The following CSMD1 variants were observed in gnomAD, a reference collection of about 807,000 sequenced individuals.
CSMD1 encodes the protein CUB and Sushi multiple domains 1.
CSMD1 carries 213 observed loss-of-function variants against 417.5 expected under a neutral mutation model. The observed-to-expected ratio is 0.51, with a 90% CI of 0.46 to 0.57. The LOEUF (loss-of-function observed/expected upper bound fraction) is 0.57. Among genes scored for constraint, CSMD1 ranks in the 20% least tolerant of loss-of-function variants. The probability of loss-of-function intolerance (pLI) is 0.00; values close to 1 mark genes in which losing one functional copy is unlikely to be tolerated. For missense variants in CSMD1, 6,923 were observed against 4,529.7 expected (o/e 1.53, Z -15.17); for synonymous variants, 2,862 against 1,736.8 (o/e 1.65, Z -16.11).
chr8:4,533,774 A>G (rs1313295382), intron 2 of CSMD1, among the ~76,000 whole-genome samples: 22 of 151,848 alleles, frequency 1.4e-4, no homozygotes, highest in Non-Finnish European at 1.5e-5. Flanking sequence ...TATTTTAATA[A>G]AAGTACACTG....
chr8:4,304,560 G>A (rs139223713), intron 3 of CSMD1, among the ~76,000 whole-genome samples: 5 of 152,002 alleles, frequency 3.3e-5, no homozygotes, highest in African/African-American at 9.7e-5. Flanking sequence ...TAATCAATTG[G>A]GATGTGTTTA....
chr8:4,989,539 A>T (rs1389521842), intron 1 of CSMD1, among the ~76,000 whole-genome samples: 1 of 152,220 alleles, frequency 6.6e-6, no homozygotes, highest in South Asian at 2.1e-4. Context: ...GACATACTTG[A>T]CCTTTACTAT....
intron 5 of CSMD1, among the ~76,000 whole-genome samples, chr8:3,893,260 T>G (rs1259740098): frequency 2.0e-5 from 3 of 148,998 alleles, no homozygotes; most frequent in African/African-American, 7.3e-5. Context: ...TTGTAATATT[T>G]TAGCCTATAA....
At chr8:4,546,893 TG>T (rs1308842950) in intron 2 of CSMD1, among the ~76,000 whole-genome samples, 1 of 152,140 alleles carries the variant, frequency 6.6e-6, no homozygotes, top group Non-Finnish European at 1.5e-5. Flanking sequence ...TGTCTCTCTC[TG>T]GAGATCCCTA....
At chr8:4,777,387 G>C (rs74944022) in intron 1 of CSMD1, among the ~76,000 whole-genome samples, 2,935 of 152,276 alleles carry the variant, frequency 0.019, 101 homozygotes, top group African/African-American at 0.067. Flanking sequence ...ATGATGAAGA[G>C]AGAGAGATGT....
chr8:3,813,588 G>C (rs1801206170), intron 5 of CSMD1, among the ~76,000 whole-genome samples: 1 of 152,050 alleles, frequency 6.6e-6, no homozygotes, highest in South Asian at 2.1e-4. Context: ...AGAATTTTAA[G>C]ATATTTTAAA....
intron 3 of CSMD1, among the ~76,000 whole-genome samples, chr8:4,336,996 G>A (rs534080272): frequency 3.7e-4 from 56 of 152,138 alleles, no homozygotes; most frequent in African/African-American, 1.3e-3. Flanking sequence ...TTCCCAGAAT[G>A]GCTGACTGGC....
intron 51 of CSMD1, among the ~76,000 whole-genome samples, chr8:3,027,975 T>C (rs1810064946): frequency 6.6e-6 from 1 of 152,196 alleles, no homozygotes; most frequent in Non-Finnish European, 1.5e-5. Flanking sequence ...CGCTGAGTTG[T>C]GAGCATGGAA....
At chr8:4,920,484 C>A (rs1180655418) in intron 1 of CSMD1, among the ~76,000 whole-genome samples, 3 of 152,042 alleles carry the variant, frequency 2.0e-5, no homozygotes, top group Non-Finnish European at 4.4e-5. Context: ...GATCATTTTT[C>A]TCAGGAATCA....
intron 29 of CSMD1, 78 bp from the exon 30 acceptor site, chr8:3,214,769 C>T: frequency 1.7e-6 from 2 of 1,195,684 alleles, no homozygotes; most frequent in Non-Finnish European, 2.3e-6. Flanking sequence ...TGGGTTGGTT[C>T]TTTAATTGTG....
At position 4,798,248 on chromosome 8, in the gene CSMD1, T is replaced by C. The variant is rs185497292; in HGVS notation, c.86-160690A>G. On this transcript the variant is annotated intron_variant, in intron 1 of 69. Coordinates refer to ENST00000635120, the MANE Select transcript of CSMD1 (RefSeq NM_033225.6). ...TCATTGTTCAGTTCCCACCTATGAG[T>C]GAGAACATGCGGTGTTTGTTTTCTG... 6.5e-3 allele frequency among the ~76,000 whole-genome samples: 996 copies of C among 152,160 alleles called. 12 individuals are homozygous for C. The highest frequency in any genetic ancestry group is 0.023 in the African/African-American group (969 of 41,536).
chr8:3,156,335 T>A lies in CSMD1; in HGVS notation c.5914+1562A>T, dbSNP rs150948073. ...CCCAGAAGTGTGACTGTTATAATGA[T>A]CCAGGCTCTCTGATACTCATTCATT... On this transcript the variant is annotated intron_variant, in intron 39 of 69. Transcript: ENST00000635120. Among the ~76,000 whole-genome samples, 132 of 152,330 alleles carry A rather than the reference T, an allele frequency of 8.7e-4. 1 individual carries two copies. The highest frequency in any genetic ancestry group is 3.1e-3 in the African/African-American group (128 of 41,572).
chr8:4,797,640 T>C (rs1585115423), intron 1 of CSMD1, among the ~76,000 whole-genome samples: 2 of 152,300 alleles, frequency 1.3e-5, no homozygotes, highest in Middle Eastern at 3.4e-3. Context: ...AAAGCGAAGA[T>C]ATAGAAATCA....
Position 4,814,240 on chromosome 8 carries a change from G to A in CSMD1, c.86-176682C>T, listed in dbSNP as rs1258505005. Among the ~76,000 whole-genome samples the A allele has an allele frequency of 4.6e-5, 7 of 152,228 alleles. No homozygotes were observed. In the East Asian group the frequency reaches 7.8e-4, roughly 17 times the overall value. On this transcript the variant is annotated intron_variant, in intron 1 of 69. Transcript: ENST00000635120. ...TGTGCGTGTGCGTGTGCGCATGTGC[G>A]CGTGTGTGTATGTGTGTGGTGGGGG...
chr8:3,872,882 A>T (rs1563164946), intron 5 of CSMD1, among the ~76,000 whole-genome samples: 1 of 152,182 alleles, frequency 6.6e-6, no homozygotes, highest in South Asian at 2.1e-4. Context: ...TGCATTAAAA[A>T]GTGGACAAAC....
chr8:2,965,139 A>C (rs2128928284), intron 59 of CSMD1, among the ~76,000 whole-genome samples: 1 of 152,264 alleles, frequency 6.6e-6, no homozygotes, highest in African/African-American at 2.4e-5. Context: ...TGGCCCTTGC[A>C]CAGCCGCCAC....
intron 5 of CSMD1, among the ~76,000 whole-genome samples, chr8:3,790,922 G>C (rs189178375): frequency 6.6e-6 from 1 of 152,130 alleles, no homozygotes; most frequent in Non-Finnish European, 1.5e-5. Flanking sequence ...CAGGTCCTAA[G>C]AGCAACAGAT....
chr8:4,853,856 G>A (rs1490596309), intron 1 of CSMD1, among the ~76,000 whole-genome samples: 2 of 152,206 alleles, frequency 1.3e-5, no homozygotes, highest in Non-Finnish European at 2.9e-5. Flanking sequence ...GTGTGACCTG[G>A]ATGCAGGACA....
At chr8:3,819,509 G>A (rs891210229) in intron 5 of CSMD1, among the ~76,000 whole-genome samples, 1 of 150,288 alleles carries the variant, frequency 6.7e-6, no homozygotes, top group African/African-American at 2.5e-5. Context: ...AAGAATGCTG[G>A]AGCTCAAAAG....
Sources: gnomAD v4.1 joint callset for allele counts (sites outside exome capture counted in the v4.1 genomes callset) on GRCh38, gnomAD v4.1.1 for gene constraint, MANE v1.5 for transcripts, NCBI Gene and HGNC (gene_info 2026-07-23, HGNC 2026-07-21) for gene names.